Variants in CDKL3 observed in about 807,000 individuals in gnomAD.
CDKL3 encodes the protein cyclin-dependent kinase-like 3.
CDKL3 carries 65 observed loss-of-function variants against 69.3 expected under a neutral mutation model. The ratio of observed to expected loss-of-function variants is 0.94; its 90% CI spans 0.77 to 1.15. CDKL3 has a LOEUF of 1.15. Ranked by LOEUF, CDKL3 falls within the 50% of genes most tolerant of loss-of-function variation. The pLI, the probability that CDKL3 is intolerant of heterozygous loss-of-function variation, is 0.00. For missense variants in CDKL3, 652 were observed against 689.2 expected, an observed-to-expected ratio of 0.95 and a Z score of 0.61; for synonymous variants, 202 against 221.6, an observed-to-expected ratio of 0.91 and a Z score of 0.79.
At chr5:134,286,178 ACCTCTCT>A (rs1178091095), downstream of CDKL3, among the ~76,000 whole-genome samples, 1 of 152,002 alleles carries the variant, frequency 6.6e-6, no homozygotes, top group East Asian at 1.9e-4. Context: ...ACCCTAAATC[ACCTCTCT>A]CAAGTTCAAA....
intron 6 of CDKL3, among the ~76,000 whole-genome samples, chr5:134,315,579 A>T (rs368873237): frequency 3.3e-5 from 5 of 152,164 alleles, no homozygotes; most frequent in Admixed American, 6.5e-5. Flanking sequence ...AGCCATCCTC[A>T]TGCCTTGGCC....
chr5:134,317,337 T>A (rs539374436), intron 6 of CDKL3, among the ~76,000 whole-genome samples: 1 of 152,166 alleles, frequency 6.6e-6, no homozygotes, highest in African/African-American at 2.4e-5. Flanking sequence ...GGTTTCATCA[T>A]GTTGGTCTGG....
downstream of CDKL3, among the ~76,000 whole-genome samples, chr5:134,284,209 T>C (rs192477221): frequency 6.8e-3 from 1,028 of 152,250 alleles, 5 homozygotes; most frequent in Middle Eastern, 0.017. Context: ...CTATTTTCCC[T>C]AAGTGTTGGT....
intron 12 of CDKL3, chr5:134,299,752 T>C: frequency 6.6e-7 from 1 of 1,521,106 alleles, no homozygotes; most frequent in Non-Finnish European, 8.8e-7. Flanking sequence ...TCCTGTATTC[T>C]AAAAAGTAAA....
In CDKL3 at chr5:134,308,424, C is replaced by G; in HGVS notation, c.1078G>C (p.Val360Leu). 1 of 1,612,954 alleles carries G rather than the reference C, an allele frequency of 6.2e-7. No homozygotes were observed. Among genetic ancestry groups the G allele is most frequent in the Non-Finnish European group, 8.5e-7 (1 of 1,179,722 alleles). Residue 360 changes from valine to leucine, a missense_variant, in exon 9 of 13, where the codon GTT becomes CTT. By Grantham distance (32) the Val-to-Leu change is conservative. Transcript: ENST00000265334. ...EKKPKEIKVRVIKVKGGRGDI... is the reference protein window; with the variant it reads ...EKKPKEIKVRLIKVKGGRGDI... ...CCTCTTCCTCCTTTGACTTTAATAA[C>G]TCTGACTTTGATCTCCTTGGGCTTT...
At chr5:134,291,221 A>C (rs1383720582) in intron 8 of CDKL3, among the ~76,000 whole-genome samples, 1 of 152,204 alleles carries the variant, frequency 6.6e-6, no homozygotes, top group Middle Eastern at 3.2e-3. Flanking sequence ...TACCTATTAT[A>C]TATTTTAATA....
intron 4 of CDKL3, among the ~76,000 whole-genome samples, chr5:134,340,209 A>G (rs1750130414): frequency 1.3e-5 from 2 of 152,184 alleles, no homozygotes; most frequent in Admixed American, 1.3e-4. Flanking sequence ...AAGACACAAC[A>G]TACCAGCATT....
intron 2 of CDKL3, among the ~76,000 whole-genome samples, chr5:134,361,918 C>T (rs1042453854): frequency 6.6e-5 from 10 of 152,012 alleles, no homozygotes; most frequent in African/African-American, 2.2e-4. Flanking sequence ...GAATTGATTG[C>T]TTTTGGACAC....
chr5:134,283,873 T>C (rs1764734916), downstream of CDKL3, among the ~76,000 whole-genome samples: 1 of 152,142 alleles, frequency 6.6e-6, no homozygotes, highest in African/African-American at 2.4e-5. Context: ...ATTGGATAAA[T>C]ACAGCCATTC....
At chr5:134,324,509 G>A (rs1773598143) in intron 4 of CDKL3, among the ~76,000 whole-genome samples, 1 of 151,986 alleles carries the variant, frequency 6.6e-6, no homozygotes, top group South Asian at 2.1e-4. Context: ...ATATTATTTA[G>A]CAATAAAAGA....
chr5:134,313,875 T>C (rs1404176474), intron 6 of CDKL3, among the ~76,000 whole-genome samples: 1 of 152,026 alleles, frequency 6.6e-6, no homozygotes, highest in Non-Finnish European at 1.5e-5. Flanking sequence ...TGGTGGCTCA[T>C]GCGTGTAATC....
downstream of CDKL3, among the ~76,000 whole-genome samples, chr5:134,295,011 CTTTTTTTTTTTT>C (rs869256167): frequency 2.0e-5 from 2 of 100,422 alleles, no homozygotes; most frequent in Non-Finnish European, 4.1e-5. Flanking sequence ...ATTTTTTTTT[CTTTTTTTTTTTT>C]TTTTTTTTTG....
At chr5:134,363,321 T>G (rs1756510720) in intron 2 of CDKL3, among the ~76,000 whole-genome samples, 1 of 152,106 alleles carries the variant, frequency 6.6e-6, no homozygotes, top group Non-Finnish European at 1.5e-5. Flanking sequence ...TGAGATGGAG[T>G]CTCGCTCTGC....
At chr5:134,294,772 A>G (rs1765274125), downstream of CDKL3, among the ~76,000 whole-genome samples, 1 of 152,172 alleles carries the variant, frequency 6.6e-6, no homozygotes, top group South Asian at 2.1e-4. Context: ...AGGATACAAG[A>G]TCAACACAGA....
chr5:134,320,206 T>G (rs1772344929), intron 5 of CDKL3, among the ~76,000 whole-genome samples: 2 of 152,174 alleles, frequency 1.3e-5, no homozygotes, highest in South Asian at 4.1e-4. Flanking sequence ...TTATCCAGAT[T>G]TCACTGTTTT....
downstream of CDKL3, chr5:134,298,331 C>T (rs1249230826): frequency 1.4e-5 from 15 of 1,055,992 alleles, no homozygotes; most frequent in African/African-American, 1.7e-5. Context: ...AGTTATGTGG[C>T]TACAAGAAGG....
At chr5:134,306,496 C>A in intron 10 of CDKL3, 113 bp downstream of exon 10, 2 of 677,174 alleles carry the variant, frequency 3.0e-6, no homozygotes, top group Non-Finnish European at 5.1e-6. Flanking sequence ...GATCCTCTCT[C>A]AAAAAAACAA....
At chr5:134,309,109 G>C (rs1768689895) in intron 7 of CDKL3, among the ~76,000 whole-genome samples, 1 of 151,750 alleles carries the variant, frequency 6.6e-6, no homozygotes, top group Admixed American at 6.6e-5. Context: ...TTTTGAGATG[G>C]AGTTTCGCTC....
chr5:134,340,149 G>A (rs927955050), intron 4 of CDKL3, among the ~76,000 whole-genome samples: 2 of 152,048 alleles, frequency 1.3e-5, no homozygotes, highest in African/African-American at 4.8e-5. Context: ...GCAAGATCCT[G>A]TCTCAAAAAA....
Sources: allele counts gnomAD v4.1 joint callset (sites outside exome capture counted in the v4.1 genomes callset), GRCh38; gene constraint gnomAD v4.1.1; transcripts MANE v1.5; gene names NCBI Gene and HGNC (gene_info 2026-07-23, HGNC 2026-07-21).